WWOX: variants seen among roughly 807,000 people sequenced by gnomAD.
WWOX encodes WW domain containing oxidoreductase.
Under a neutral mutation model 46.2 loss-of-function variants are expected in WWOX, and 69 were observed. That is an observed-to-expected ratio of 1.49 (90% CI 1.23 to 1.82). The LOEUF is 1.82. WWOX is among the 40% of genes most tolerant of loss of function. The pLI, the probability that WWOX is intolerant of heterozygous loss-of-function variation, is 0.00. For synonymous variants in WWOX, 359 were observed against 202.6 expected, an observed-to-expected ratio of 1.77 and a Z score of -6.56; for missense variants, 919 against 542.6, an observed-to-expected ratio of 1.69 and a Z score of -6.89.
chr16:78,939,093 A>C (rs1205315468), intron 8 of WWOX, among the ~76,000 whole-genome samples: 1 of 152,220 alleles, frequency 6.6e-6, no homozygotes, highest in Non-Finnish European at 1.5e-5. Flanking sequence ...GGCTTTAGAC[A>C]GGACAGTGGC....
intron 8 of WWOX, among the ~76,000 whole-genome samples, chr16:78,671,569 C>T (rs1000772605): frequency 5.9e-5 from 9 of 152,150 alleles, no homozygotes; most frequent in Non-Finnish European, 1.0e-4. Flanking sequence ...ATGATAACCT[C>T]ATTAATTGCC....
chr16:78,775,458 C>G (rs534779509), intron 8 of WWOX, among the ~76,000 whole-genome samples: 3 of 152,156 alleles, frequency 2.0e-5, no homozygotes, highest in Admixed American at 6.5e-5. Context: ...CTGAGATACC[C>G]AGACTCATTT....
chr16:78,839,556 A>G (rs146964319), intron 8 of WWOX, among the ~76,000 whole-genome samples: 8 of 152,304 alleles, frequency 5.3e-5, no homozygotes, highest in East Asian at 1.9e-4. Flanking sequence ...ATACTTTGCA[A>G]TAAATATTAC....
intron 8 of WWOX, chr16:78,899,549 G>C (rs545610758): frequency 6.6e-6 from 1 of 152,138 alleles, no homozygotes; most frequent in Admixed American, 6.5e-5. Flanking sequence ...GAAACAGTGG[G>C]TTTATATTTC....
chr16:78,481,547 C>G (rs1567598235), intron 8 of WWOX, among the ~76,000 whole-genome samples: 1 of 152,012 alleles, frequency 6.6e-6, no homozygotes, highest in Non-Finnish European at 1.5e-5. Flanking sequence ...TCACCTCCCA[C>G]CACCCCTTAA....
At chr16:78,980,766 A>C (rs1028846340) in intron 8 of WWOX, among the ~76,000 whole-genome samples, 1 of 152,160 alleles carries the variant, frequency 6.6e-6, no homozygotes, top group Non-Finnish European at 1.5e-5. Context: ...CTTTTTGAAT[A>C]AGTATTTTGC....
At chr16:78,331,672 C>T (rs1377912159) in intron 5 of WWOX, among the ~76,000 whole-genome samples, 1 of 152,162 alleles carries the variant, frequency 6.6e-6, no homozygotes, top group Non-Finnish European at 1.5e-5. Flanking sequence ...CTGTAAATGA[C>T]ACAGGAGACA....
chr16:78,185,381 G>A (rs747572350), intron 5 of WWOX, among the ~76,000 whole-genome samples: 2 of 152,098 alleles, frequency 1.3e-5, no homozygotes, highest in Non-Finnish European at 2.9e-5. Flanking sequence ...GTCTTCATTC[G>A]AAGATGATCT....
intron 8 of WWOX, among the ~76,000 whole-genome samples, chr16:78,443,330 TATA>T (rs1435428834): frequency 2.6e-4 from 40 of 151,888 alleles, no homozygotes; most frequent in African/African-American, 8.9e-4. Context: ...AACCCAAAAC[TATA>T]TGTGCAAGCC....
intron 8 of WWOX, among the ~76,000 whole-genome samples, chr16:79,194,148 T>C (rs1305992257): frequency 6.6e-6 from 1 of 152,136 alleles, no homozygotes. Context: ...TATGTAAGTG[T>C]AGCTCCAATG....
At chr16:79,207,877 C>G (rs1017573000) in intron 8 of WWOX, among the ~76,000 whole-genome samples, 1 of 151,958 alleles carries the variant, frequency 6.6e-6, no homozygotes, top group South Asian at 2.1e-4. Context: ...TCTGTGCTGA[C>G]AACTATAAAT....
At chr16:78,834,872 T>C (rs1002442078) in intron 8 of WWOX, among the ~76,000 whole-genome samples, 11 of 152,314 alleles carry the variant, frequency 7.2e-5, no homozygotes, top group East Asian at 5.8e-4. Context: ...GACATTATTA[T>C]GATAATGACT....
Position 78,349,461 on chromosome 16 carries a change from G to C in WWOX, c.517-37399G>C, listed in dbSNP as rs1248655517. ...GCACGGGGATATCATGCTTTTCAGA[G>C]ACCATCTGCATCCTTATCTCACTTA... On this transcript the variant is annotated intron_variant, in intron 5 of 8. Transcript: ENST00000566780. Among the ~76,000 whole-genome samples, 12 of 120,608 alleles carry C rather than the reference G, an allele frequency of 9.9e-5. 2 individuals carry two copies. The highest frequency in any genetic ancestry group is 3.4e-4 in the African/African-American group (12 of 35,592). 79.1% of individuals were successfully genotyped at this position (120,608 alleles called of 152,430 possible). A position where few individuals can be genotyped will look rare whatever the true frequency, so the allele number is the denominator to read the frequency against.
At chr16:78,112,940 C>T (rs2032581323) in intron 3 of WWOX, among the ~76,000 whole-genome samples, 1 of 152,080 alleles carries the variant, frequency 6.6e-6, no homozygotes, top group Admixed American at 6.5e-5. Context: ...TTCTGGCCTT[C>T]AGCGATCCTC....
At chr16:79,047,247 C>T (rs1210571010) in intron 8 of WWOX, among the ~76,000 whole-genome samples, 1 of 152,156 alleles carries the variant, frequency 6.6e-6, no homozygotes, top group Non-Finnish European at 1.5e-5. Context: ...CATGGATTCA[C>T]CATGTATTTA....
At chr16:78,552,880 T>C (rs1370910922) in intron 8 of WWOX, 1 of 152,238 alleles carries the variant, frequency 6.6e-6, no homozygotes, top group Non-Finnish European at 1.5e-5. Context: ...AAAGATGGTT[T>C]GTTACTCACA....
chr16:78,815,124 A>G (rs991701396), intron 8 of WWOX, among the ~76,000 whole-genome samples: 1 of 152,202 alleles, frequency 6.6e-6, no homozygotes, highest in South Asian at 2.1e-4. Context: ...CAGGAGTTTG[A>G]AACCAGCCTG....
intron 6 of WWOX, among the ~76,000 whole-genome samples, chr16:78,413,928 C>T (rs1159062970): frequency 6.6e-6 from 1 of 151,820 alleles, no homozygotes; most frequent in Non-Finnish European, 1.5e-5. Flanking sequence ...GCCGTCATAA[C>T]CCCTGTGACC....
intron 8 of WWOX, chr16:78,780,329 G>C (rs1204586802): frequency 6.6e-6 from 1 of 152,132 alleles, no homozygotes; most frequent in African/African-American, 2.4e-5. Flanking sequence ...CTCATGAATT[G>C]ACTGGTTTAT....
Sources: gnomAD v4.1 joint callset for allele counts (sites outside exome capture counted in the v4.1 genomes callset) on GRCh38, gnomAD v4.1.1 for gene constraint, MANE v1.5 for transcripts, NCBI Gene and HGNC (gene_info 2026-07-23, HGNC 2026-07-21) for gene names.